The following RERE variants were observed in gnomAD, a reference collection of about 807,000 sequenced individuals.
The protein encoded by RERE is arginine-glutamic acid dipeptide repeats.
In RERE, 40 loss-of-function variants were observed where a neutral mutation model predicts 146.1. The observed-to-expected ratio is 0.27, with a 90% CI of 0.21 to 0.36. The LOEUF (loss-of-function observed/expected upper bound fraction) is 0.36, where lower values mean the gene tolerates loss of function less well. RERE is among the 10% of genes least tolerant of loss of function. The pLI, the probability that RERE is intolerant of heterozygous loss-of-function variation, is 1.00. For synonymous variants in RERE, 1,003 were observed against 866.0 expected (o/e 1.16, Z -2.78); for missense variants, 1,933 against 2,138.7 (o/e 0.90, Z 1.90).
At chr1:8,666,871 C>A (rs554992703) in intron 1 of RERE, among the ~76,000 whole-genome samples, 1 of 152,200 alleles carries the variant, frequency 6.6e-6, no homozygotes, top group African/African-American at 2.4e-5. Flanking sequence ...TACCCCTGCA[C>A]GATTCTCTAC....
chr1:8,728,011 G>A (rs1003969179), intron 1 of RERE, among the ~76,000 whole-genome samples: 5 of 152,302 alleles, frequency 3.3e-5, no homozygotes, highest in South Asian at 2.1e-4. Flanking sequence ...ACATGCACAC[G>A]AACCTCAGCC....
intron 2 of RERE, among the ~76,000 whole-genome samples, chr1:8,647,678 T>TGTG (rs1491129513): frequency 2.2e-4 from 33 of 150,218 alleles, no homozygotes; most frequent in African/African-American, 7.9e-4. Flanking sequence ...TGTGTGTGTG[T>TGTG]CCCCTGGAAC....
chr1:8,723,931 A>G (rs1639908928), intron 1 of RERE, among the ~76,000 whole-genome samples: 1 of 152,192 alleles, frequency 6.6e-6, no homozygotes, highest in Admixed American at 6.5e-5. Context: ...AAGAGCCTTG[A>G]ATTCCTTCCC....
rs1332849577 is a variant in RERE, at chr1:8,364,579, GAGTAA to G, written c.1540+162_1540+166del. On this transcript the variant is annotated intron_variant, in intron 14 of 22. Coordinates refer to ENST00000400908, the MANE Select transcript of RERE (RefSeq NM_001042681.2). The surrounding 1 kb of genome is among the most constrained non-coding windows in gnomAD (Gnocchi z 5.1). ...ATTCCATACCGACTGCCAAGCAGAG[GAGTAA>G]AGTAAACTAAACATTTCTAACTTTC... is the stretch of plus-strand genomic sequence containing the variant. 2.0e-5 allele frequency among the ~76,000 whole-genome samples: 3 copies of G among 152,160 alleles called. No individual in the cohort carries two copies. Among genetic ancestry groups the G allele is most frequent in the African/African-American group, 7.2e-5 (3 of 41,432 alleles).
chr1:8,539,934 C>T (rs1277311311), intron 7 of RERE, among the ~76,000 whole-genome samples: 3 of 152,100 alleles, frequency 2.0e-5, no homozygotes, highest in Admixed American at 1.3e-4. Flanking sequence ...TCTACCCCTA[C>T]GTTGACTACT....
intron 12 of RERE, among the ~76,000 whole-genome samples, chr1:8,373,947 C>T (rs1047372369): frequency 6.6e-6 from 1 of 152,240 alleles, no homozygotes; most frequent in Non-Finnish European, 1.5e-5. Flanking sequence ...CTTTTGTTAA[C>T]CAACCGAATC....
chr1:8,775,797 A>G (rs191151273), intron 1 of RERE, among the ~76,000 whole-genome samples: 2 of 152,344 alleles, frequency 1.3e-5, no homozygotes, highest in Admixed American at 1.3e-4. Context: ...AGCTTTGCAT[A>G]TATTAACTCA....
intron 10 of RERE, among the ~76,000 whole-genome samples, chr1:8,469,214 A>C (rs895921372): frequency 6.6e-6 from 1 of 152,242 alleles, no homozygotes; most frequent in African/African-American, 2.4e-5. Flanking sequence ...TCTCAGAAAC[A>C]AAAAATTTTG....
intron 10 of RERE, among the ~76,000 whole-genome samples, chr1:8,471,902 C>G (rs931342994): frequency 4.6e-5 from 7 of 152,158 alleles, no homozygotes; most frequent in Non-Finnish European, 8.8e-5. Flanking sequence ...ACCTCTGCCT[C>G]CCGGATTCAT....
At chr1:8,750,974 A>G (rs1180982572) in intron 1 of RERE, 2 of 684,906 alleles carry the variant, frequency 2.9e-6, no homozygotes, top group African/African-American at 3.5e-5. Flanking sequence ...TAAATATGGC[A>G]TCATCTGCAT....
chr1:8,570,538 T>C (rs1646208453), intron 4 of RERE, among the ~76,000 whole-genome samples: 2 of 152,184 alleles, frequency 1.3e-5, no homozygotes, highest in South Asian at 4.1e-4. Context: ...AGAAAACAGA[T>C]TCCCATATCT....
At chr1:8,773,845 T>G (rs1009533448) in intron 1 of RERE, among the ~76,000 whole-genome samples, 1 of 152,088 alleles carries the variant, frequency 6.6e-6, no homozygotes, top group African/African-American at 2.4e-5. Flanking sequence ...ACATCTAAAG[T>G]AAGTTACAAT....
At chr1:8,696,886 G>A (rs922355949) in intron 1 of RERE, among the ~76,000 whole-genome samples, 4 of 151,782 alleles carry the variant, frequency 2.6e-5, no homozygotes, top group Admixed American at 1.3e-4. Context: ...CTCCAGCCTC[G>A]GCAACAGAGC....
chr1:8,383,012 TAAA>T (rs35888808), intron 12 of RERE, among the ~76,000 whole-genome samples: 7 of 146,046 alleles, frequency 4.8e-5, no homozygotes, highest in Non-Finnish European at 7.5e-5. Context: ...TTGACTAAGT[TAAA>T]AAAAAAAAAA....
At chr1:8,658,960 G>A (rs1638391979) in intron 1 of RERE, among the ~76,000 whole-genome samples, 1 of 152,210 alleles carries the variant, frequency 6.6e-6, no homozygotes, top group Non-Finnish European at 1.5e-5. Context: ...TGATGAAGGA[G>A]CAATCATGCA....
At chr1:8,764,076 C>G (rs1010341891) in intron 1 of RERE, among the ~76,000 whole-genome samples, 1 of 152,160 alleles carries the variant, frequency 6.6e-6, no homozygotes, top group Non-Finnish European at 1.5e-5. Context: ...TCCTAGGAGG[C>G]TATTTCTCAG....
chr1:8,779,924 C>CTTA (rs112730709), intron 1 of RERE, among the ~76,000 whole-genome samples: 210 of 152,248 alleles, frequency 1.4e-3, no homozygotes, highest in African/African-American at 5.0e-3. Flanking sequence ...CCGGGAGCAG[C>CTTA]TTATGCCTGT....
intron 1 of RERE, among the ~76,000 whole-genome samples, chr1:8,666,354 T>C (rs1638573305): frequency 6.6e-6 from 1 of 152,186 alleles, no homozygotes; most frequent in Non-Finnish European, 1.5e-5. Context: ...TGTGTTAGCA[T>C]CCTCCTTTAG....
At chr1:8,389,684 C>T (rs183664052) in intron 12 of RERE, among the ~76,000 whole-genome samples, 21 of 152,320 alleles carry the variant, frequency 1.4e-4, no homozygotes, top group African/African-American at 5.1e-4. Context: ...GAGGAGAAGT[C>T]GGGGAGCCAC....
Sources: gnomAD v4.1 joint callset for allele counts (sites outside exome capture counted in the v4.1 genomes callset) on GRCh38, gnomAD v4.1.1 for gene constraint, Gnocchi (gnomAD v3.1) non-coding constraint, MANE v1.5 for transcripts, NCBI Gene and HGNC (gene_info 2026-07-23, HGNC 2026-07-21) for gene names.